The following FARP1 variants were observed in gnomAD, a reference collection of about 807,000 sequenced individuals.
FARP1 encodes FERM, ARH/RhoGEF and pleckstrin domain protein 1, also known as FERM, ARHGEF and pleckstrin domain-containing protein 1.
A neutral mutation model predicts 128.8 loss-of-function variants in FARP1; 52 were observed. The ratio of observed to expected loss-of-function variants is 0.40; its 90% CI spans 0.32 to 0.51. FARP1 has a LOEUF of 0.51. FARP1 is among the 20% of genes least tolerant of loss of function. The probability of loss-of-function intolerance (pLI) is 0.45; values close to 1 mark genes in which losing one functional copy is unlikely to be tolerated. For missense variants in FARP1, 1,333 were observed against 1,367.9 expected, an observed-to-expected ratio of 0.97 and a Z score of 0.40; for synonymous variants, 580 against 551.8, an observed-to-expected ratio of 1.05 and a Z score of -0.72.
chr13:98,279,653 G>C (rs1383917768), intron 2 of FARP1, among the ~76,000 whole-genome samples: 2 of 152,216 alleles, frequency 1.3e-5, no homozygotes, highest in Admixed American at 6.5e-5. Context: ...TGTTCGGCTT[G>C]AGAGGAGCTT....
chr13:98,178,102 A>G (rs899888262), intron 1 of FARP1, among the ~76,000 whole-genome samples: 1 of 151,854 alleles, frequency 6.6e-6, no homozygotes, highest in Non-Finnish European at 1.5e-5. Flanking sequence ...AAAAAATATT[A>G]TCAAGCACTT....
intron 1 of FARP1, among the ~76,000 whole-genome samples, chr13:98,209,843 G>T (rs2139310216): frequency 6.8e-6 from 1 of 146,216 alleles, no homozygotes; most frequent in African/African-American, 2.5e-5. Flanking sequence ...AAAGCCGGGG[G>T]TGGTGGTGCA....
chr13:98,361,874 G>A (rs371357601), intron 3 of FARP1, among the ~76,000 whole-genome samples: 2 of 152,074 alleles, frequency 1.3e-5, no homozygotes, highest in Non-Finnish European at 2.9e-5. Flanking sequence ...CTCTGTGTTC[G>A]CATCATCTCA....
intron 24 of FARP1, among the ~76,000 whole-genome samples, chr13:98,442,999 C>G (rs1248054309): frequency 6.6e-6 from 1 of 151,998 alleles, no homozygotes; most frequent in East Asian, 1.9e-4. Flanking sequence ...ACCTGCAGCC[C>G]AGCTTTTTTG....
chr13:98,299,931 A>G (rs773650923), intron 2 of FARP1, among the ~76,000 whole-genome samples: 5 of 152,198 alleles, frequency 3.3e-5, no homozygotes, highest in Admixed American at 6.5e-5. Context: ...TGCTTCAAGT[A>G]TGTGTGCTAA....
chr13:98,263,370 T>C (rs1482250574), intron 2 of FARP1, among the ~76,000 whole-genome samples: 2 of 152,208 alleles, frequency 1.3e-5, no homozygotes, highest in Non-Finnish European at 2.9e-5. Flanking sequence ...TTTAGAAAGC[T>C]AGGAAGGTGG....
intron 13 of FARP1, chr13:98,396,205 C>T: frequency 2.5e-6 from 1 of 399,152 alleles, no homozygotes; most frequent in Non-Finnish European, 4.4e-6. Flanking sequence ...TGGCACACCC[C>T]CCATGGGTGC....
intron 2 of FARP1, among the ~76,000 whole-genome samples, chr13:98,282,918 A>G (rs1884999631): frequency 1.3e-5 from 2 of 152,208 alleles, no homozygotes; most frequent in Admixed American, 1.3e-4. Context: ...ATAAAAAAAA[A>G]TAAAAAATTT....
intron 1 of FARP1, among the ~76,000 whole-genome samples, chr13:98,200,870 TGTAA>T (rs752274915): frequency 2.0e-5 from 3 of 152,164 alleles, no homozygotes; most frequent in Non-Finnish European, 2.9e-5. Context: ...TTCTTTTGAA[TGTAA>T]GTGTTTTATT....
intron 1 of FARP1, among the ~76,000 whole-genome samples, chr13:98,182,105 C>A (rs1313041098): frequency 1.3e-5 from 2 of 151,982 alleles, no homozygotes; most frequent in Non-Finnish European, 2.9e-5. Flanking sequence ...GACCTATGCT[C>A]CCCCTCTTTC....
intron 17 of FARP1, among the ~76,000 whole-genome samples, chr13:98,430,661 G>T (rs572255835): frequency 4.6e-4 from 70 of 152,284 alleles, no homozygotes; most frequent in African/African-American, 1.5e-3. Context: ...ACGGCCCCTG[G>T]GCTGTTTGTT....
intron 2 of FARP1, among the ~76,000 whole-genome samples, chr13:98,331,351 A>G (rs1887502148): frequency 6.6e-6 from 1 of 152,164 alleles, no homozygotes; most frequent in Admixed American, 6.6e-5. Flanking sequence ...TCCGTAGTGA[A>G]CCCATATCAT....
In FARP1 at chr13:98,199,774, C is replaced by T. The variant is rs1214758270; in HGVS notation, c.-23-13446C>T. On this transcript the variant is annotated intron_variant, in intron 1 of 26. Coordinates refer to ENST00000319562, the MANE Select transcript of FARP1 (RefSeq NM_005766.4). Reference sequence around the variant, plus strand: ...CAGTGACCTTGTTAGTGTGGGAATTCAGAGGGGCTGGAAGCTGGTGGCTAT... The same window carrying T: ...CAGTGACCTTGTTAGTGTGGGAATTTAGAGGGGCTGGAAGCTGGTGGCTAT... Among the ~76,000 whole-genome samples, 6 of 152,280 alleles carry T rather than the reference C, an allele frequency of 3.9e-5. No homozygotes were observed. In the South Asian group the frequency reaches 1.2e-3, roughly 32 times the overall value.
intron 2 of FARP1, among the ~76,000 whole-genome samples, chr13:98,334,933 C>G (rs538899533): frequency 6.6e-6 from 1 of 152,276 alleles, no homozygotes; most frequent in African/African-American, 2.4e-5. Flanking sequence ...TTTAAGCCAC[C>G]CAGTGCGTAG....
chr13:98,357,463 G>A (rs1425951927), intron 3 of FARP1, among the ~76,000 whole-genome samples: 2 of 152,064 alleles, frequency 1.3e-5, no homozygotes, highest in Non-Finnish European at 2.9e-5. Flanking sequence ...GTTTCATTTT[G>A]GATTATTTCT....
rs1345048783 is a variant in FARP1 at position 98,177,294 on chromosome 13, G to A, written c.-24+33802G>A. The A allele has an allele frequency of 8.0e-6, 11 of 1,379,976 alleles. No individual in the cohort carries two copies. In the Admixed American group the frequency reaches 1.9e-4, roughly 24 times the overall value. 85.5% of individuals were successfully genotyped at this position (1,379,976 alleles called of 1,614,324 possible). ...TGCGTCACCCTTGCGTCGCCCTTGC[G>A]TCGCTGCACGTGGGGCGTGGGCCCT... is the stretch of plus-strand genomic sequence containing the variant. On this transcript the variant is annotated intron_variant, in intron 1 of 26. Transcript: ENST00000319562.
intron 2 of FARP1, among the ~76,000 whole-genome samples, chr13:98,218,208 C>T (rs779598523): frequency 1.3e-5 from 2 of 151,960 alleles, no homozygotes; most frequent in Non-Finnish European, 2.9e-5. Flanking sequence ...CATCCTCACC[C>T]CGAACACATT....
At chr13:98,153,544 G>A (rs1246898005) in intron 1 of FARP1, among the ~76,000 whole-genome samples, 7 of 81,980 alleles carry the variant, frequency 8.5e-5, no homozygotes, top group African/African-American at 2.7e-4. Flanking sequence ...ATATAAATAT[G>A]TATAAATATA....
At chr13:98,323,244 A>G (rs1286115794) in intron 2 of FARP1, among the ~76,000 whole-genome samples, 1 of 152,196 alleles carries the variant, frequency 6.6e-6, no homozygotes, top group African/African-American at 2.4e-5. Flanking sequence ...TCATGCACAT[A>G]TTTTATAATA....
Sources: gnomAD v4.1 joint callset for allele counts (sites outside exome capture counted in the v4.1 genomes callset) on GRCh38, gnomAD v4.1.1 for gene constraint, MANE v1.5 for transcripts, NCBI Gene and HGNC (gene_info 2026-07-23, HGNC 2026-07-21) for gene names.